TESK2: variants seen among roughly 807,000 people sequenced by gnomAD.
TESK2 encodes dual specificity testis-specific protein kinase 2.
A neutral mutation model predicts 57.1 loss-of-function variants in TESK2; 39 were observed. The observed-to-expected ratio is 0.68, with a 90% CI of 0.53 to 0.89. The LOEUF (loss-of-function observed/expected upper bound fraction) is 0.89. TESK2 is among the 40% of genes least tolerant of loss of function. The pLI is 0.00. For synonymous variants in TESK2, 249 were observed against 267.9 expected (o/e 0.93, Z 0.69); for missense variants, 646 against 732.1 (o/e 0.88, Z 1.36).
intron 1 of TESK2, among the ~76,000 whole-genome samples, chr1:45,483,290 AAAAC>A (rs1257755973): frequency 6.6e-6 from 1 of 151,260 alleles, no homozygotes. Context: ...CAAAAAAAAA[AAAAC>A]AACAACAACA....
intron 4 of TESK2, chr1:45,385,427 C>T: frequency 1.4e-6 from 1 of 704,482 alleles, no homozygotes; most frequent in Non-Finnish European, 1.7e-6. Flanking sequence ...TAAGACCAAC[C>T]AGGAAACCAC....
In TESK2 at chr1:45,344,843, C is replaced by A; in HGVS notation, c.1713G>T (p.Gly571=). ...IGLQTQGKQD[G] is the part of the protein sequence containing the mutation. ...GTGAGGCAGGGACTAAACCCCCTCACCCATCCTGCTTTCCCTGGGTTTGCA... is the reference window on the plus strand; with the variant it reads ...GTGAGGCAGGGACTAAACCCCCTCAACCATCCTGCTTTCCCTGGGTTTGCA... The change falls in exon 11 of 11, where the codon GGG becomes GGT. Residue 571 remains glycine (G), a synonymous_variant. Coordinates refer to ENST00000372086, the MANE Select transcript of TESK2 (RefSeq NM_007170.3). 4 of 1,611,736 alleles carry A rather than the reference C, an allele frequency of 2.5e-6. No homozygotes were observed. Among genetic ancestry groups the A allele is most frequent in the Non-Finnish European group, 3.4e-6 (4 of 1,179,516 alleles).
chr1:45,373,841 A>G (rs770128024), intron 4 of TESK2, among the ~76,000 whole-genome samples: 4 of 152,206 alleles, frequency 2.6e-5, no homozygotes, highest in Non-Finnish European at 5.9e-5. Flanking sequence ...TGTGAGAGGT[A>G]TATTGGGAGA....
intron 1 of TESK2, among the ~76,000 whole-genome samples, chr1:45,476,887 C>T (rs1380318198): frequency 6.6e-6 from 1 of 150,926 alleles, no homozygotes; most frequent in Non-Finnish European, 1.5e-5. Flanking sequence ...TCACTCATGC[C>T]TATAATCCTA....
intron 2 of TESK2, among the ~76,000 whole-genome samples, chr1:45,443,341 G>T (rs965186260): frequency 6.6e-6 from 1 of 151,924 alleles, no homozygotes; most frequent in Non-Finnish European, 1.5e-5. Context: ...AAGGCAGGAG[G>T]ATCGCTTGAG....
In TESK2 at chr1:45,427,428, A is replaced by C. The variant is rs1650745338; in HGVS notation, c.223-5582T>G. Among the ~76,000 whole-genome samples, 2 of 152,180 alleles carry C rather than the reference A, an allele frequency of 1.3e-5. 1 individual carries two copies. Among genetic ancestry groups the C allele is most frequent in the South Asian group, 4.1e-4 (2 of 4,836 alleles). On this transcript the variant is annotated intron_variant, in intron 2 of 10. Coordinates refer to ENST00000372086, the MANE Select transcript of TESK2 (RefSeq NM_007170.3). Reference sequence around the variant, plus strand: ...TGCTGGGTATATACCAAAAGAAGGGAAATCGGTATGTCAAATACATATCTG... The same window carrying C: ...TGCTGGGTATATACCAAAAGAAGGGCAATCGGTATGTCAAATACATATCTG...
intron 1 of TESK2, among the ~76,000 whole-genome samples, chr1:45,486,916 G>A (rs1653506924): frequency 6.6e-6 from 1 of 150,776 alleles, no homozygotes; most frequent in Admixed American, 6.6e-5. Flanking sequence ...TCCACCACCC[G>A]GGTTCAAGCG....
At chr1:45,399,715 G>T (rs1649521843) in intron 3 of TESK2, among the ~76,000 whole-genome samples, 1 of 152,140 alleles carries the variant, frequency 6.6e-6, no homozygotes. Flanking sequence ...CTCCCAAATT[G>T]CTGGGATTTC....
At chr1:45,425,867 G>A (rs917592627) in intron 2 of TESK2, among the ~76,000 whole-genome samples, 3 of 151,958 alleles carry the variant, frequency 2.0e-5, no homozygotes, top group Non-Finnish European at 4.4e-5. Context: ...AAGCTGGGCC[G>A]GGTGCAGTAG....
At chr1:45,386,143 A>ATGG (rs1648883999) in intron 3 of TESK2, among the ~76,000 whole-genome samples, 183 bp from the exon 4 acceptor site, 1 of 152,132 alleles carries the variant, frequency 6.6e-6, no homozygotes, top group East Asian at 1.9e-4. Context: ...TCAGGAGTTC[A>ATGG]AGACCATCCT....
chr1:45,382,971 A>T (rs1447583357), intron 4 of TESK2, among the ~76,000 whole-genome samples: 1 of 152,228 alleles, frequency 6.6e-6, no homozygotes, highest in Admixed American at 6.5e-5. Flanking sequence ...AATTACAAAG[A>T]AGACTCATGG....
Position 45,355,452 on chromosome 1 carries a change from G to A in TESK2, c.394-3C>T. The A allele has an allele frequency of 6.3e-7, 1 of 1,597,768 alleles. No homozygotes were observed. Among genetic ancestry groups the A allele is most frequent in the Non-Finnish European group, 8.5e-7 (1 of 1,174,230 alleles). ...TCCAGGTTCCCGGAGTTGATATACTGCAAAACAGAAGGAAAACCCAGCTAC... is the reference window on the plus strand; with the variant it reads ...TCCAGGTTCCCGGAGTTGATATACTACAAAACAGAAGGAAAACCCAGCTAC... On this transcript the variant is annotated splice_region_variant and splice_polypyrimidine_tract_variant and intron_variant, in intron 4 of 10. Coordinates refer to ENST00000372086, the MANE Select transcript of TESK2 (RefSeq NM_007170.3).
At chr1:45,379,810 AGGC>A (rs1327839788) in intron 4 of TESK2, among the ~76,000 whole-genome samples, 1 of 152,218 alleles carries the variant, frequency 6.6e-6, no homozygotes, top group Admixed American at 6.5e-5. Context: ...CACCTCGACT[AGGC>A]CAAGGAATAT....
chr1:45,450,810 G>A (rs948938775), intron 2 of TESK2, among the ~76,000 whole-genome samples: 8 of 150,474 alleles, frequency 5.3e-5, no homozygotes, highest in Non-Finnish European at 1.2e-4. Context: ...AAGTTTTAGG[G>A]TACATGTGCA....
chr1:45,350,251 A>G (rs1647212681), intron 5 of TESK2, among the ~76,000 whole-genome samples: 1 of 152,200 alleles, frequency 6.6e-6, no homozygotes, highest in South Asian at 2.1e-4. Flanking sequence ...CCATGGATGC[A>G]TTTCCTGGAA....
intron 2 of TESK2, among the ~76,000 whole-genome samples, chr1:45,441,617 CTT>C (rs763476517): frequency 2.4e-4 from 29 of 118,640 alleles, no homozygotes; most frequent in African/African-American, 2.0e-4. Context: ...CAAAATTATT[CTT>C]TTTTTTTTTT....
At chr1:45,464,288 T>C (rs1652446543) in intron 1 of TESK2, among the ~76,000 whole-genome samples, 1 of 152,108 alleles carries the variant, frequency 6.6e-6, no homozygotes. Flanking sequence ...TAGCCAGGCA[T>C]GGTGGCACAC....
chr1:45,392,889 A>G (rs907927522), intron 3 of TESK2, among the ~76,000 whole-genome samples: 9 of 152,152 alleles, frequency 5.9e-5, no homozygotes, highest in Non-Finnish European at 1.2e-4. Flanking sequence ...TCTATATACA[A>G]TGTCTCACAC....
chr1:45,476,469 C>T (rs1037814408), intron 1 of TESK2, among the ~76,000 whole-genome samples: 7 of 151,604 alleles, frequency 4.6e-5, no homozygotes, highest in South Asian at 4.2e-4. Context: ...ATGACACCAC[C>T]GCACTCCGGC....
Sources: allele counts gnomAD v4.1 joint callset (sites outside exome capture counted in the v4.1 genomes callset), GRCh38; gene constraint gnomAD v4.1.1; transcripts MANE v1.5; gene names NCBI Gene and HGNC (gene_info 2026-07-23, HGNC 2026-07-21).